Variants in NCOA2 observed in about 807,000 individuals in gnomAD.
NCOA2 encodes the protein nuclear receptor coactivator 2.
Under a neutral mutation model 145.1 loss-of-function variants are expected in NCOA2, and 21 were observed. The ratio of observed to expected loss-of-function variants is 0.14; its 90% CI spans 0.10 to 0.21. NCOA2 has a LOEUF of 0.21. NCOA2 is among the 10% of genes least tolerant of loss of function. The pLI is 1.00. For missense variants in NCOA2, 1,472 were observed against 1,837.6 expected, an observed-to-expected ratio of 0.80 and a Z score of 3.64; for synonymous variants, 619 against 637.5, an observed-to-expected ratio of 0.97 and a Z score of 0.44.
the NCOA2 span, among the ~76,000 whole-genome samples, chr8:70,444,774 T>C: frequency 6.6e-6 from 1 of 152,232 alleles, no homozygotes; most frequent in Non-Finnish European, 1.5e-5. Context: ...AGAATGCAGA[T>C]CTTTGAAAGC....
chr8:70,402,206 C>A (rs1563851091), intron 1 of NCOA2: 1 of 152,224 alleles, frequency 6.6e-6, no homozygotes, highest in Non-Finnish European at 1.5e-5. Context: ...TGGCTCACTG[C>A]CCCATCAGTC....
chr8:70,273,642 CA>C, intron 2 of NCOA2: 1 of 725,462 alleles, frequency 1.4e-6, no homozygotes. Flanking sequence ...TATACTGAGA[CA>C]AAGCAGCTGA....
chr8:70,288,266 A>AT (rs549446587), intron 2 of NCOA2, among the ~76,000 whole-genome samples: 35 of 151,954 alleles, frequency 2.3e-4, no homozygotes, highest in Middle Eastern at 3.4e-3. Context: ...AGGAAGGGTT[A>AT]TTTTTTTTCC....
rs956260674 is a variant in NCOA2 at position 70,155,587 on chromosome 8, C to T, written c.2394+384G>A. On this transcript the variant is annotated intron_variant, in intron 11 of 22. Transcript: ENST00000452400. Reference sequence around the variant, plus strand: ...AATATTTTGTGACACATGATAATTCCATGAAATTCAAATTTCAGTGTCTAT... The same window carrying T: ...AATATTTTGTGACACATGATAATTCTATGAAATTCAAATTTCAGTGTCTAT... Among the ~76,000 whole-genome samples the T allele has an allele frequency of 5.3e-5, 8 of 152,168 alleles. No homozygotes were observed. The East Asian group carries it at 1.5e-3, about 29-fold the overall frequency.
intron 2 of NCOA2, among the ~76,000 whole-genome samples, chr8:70,290,487 CTA>C (rs780747421): frequency 3.3e-5 from 5 of 152,042 alleles, no homozygotes; most frequent in African/African-American, 4.8e-5. Flanking sequence ...CGCGCCCGGC[CTA>C]TTTCCATTGA....
intron 1 of NCOA2, among the ~76,000 whole-genome samples, chr8:70,314,904 G>T (rs943152707): frequency 6.6e-6 from 1 of 152,136 alleles, no homozygotes; most frequent in Non-Finnish European, 1.5e-5. Context: ...TATCTAGCAG[G>T]AAGGCAGAAA....
At chr8:70,180,138 C>T (rs753009019) in intron 4 of NCOA2, among the ~76,000 whole-genome samples, 11 of 152,180 alleles carry the variant, frequency 7.2e-5, no homozygotes, top group Non-Finnish European at 1.0e-4. Flanking sequence ...AATGAAAATA[C>T]TAATTCTATC....
the NCOA2 span, among the ~76,000 whole-genome samples, chr8:70,418,769 A>T: frequency 6.6e-6 from 1 of 152,230 alleles, no homozygotes; most frequent in Non-Finnish European, 1.5e-5. Flanking sequence ...TCTCTTTGCA[A>T]TATTTTTCAA....
At chr8:70,324,203 AGTATATGGAGACATC>A (rs1806346781) in intron 1 of NCOA2, among the ~76,000 whole-genome samples, 1 of 152,222 alleles carries the variant, frequency 6.6e-6, no homozygotes, top group Non-Finnish European at 1.5e-5. Context: ...TAATCCCTAA[AGTATATGGAGACATC>A]TTGTCAATTT....
intron 4 of NCOA2, among the ~76,000 whole-genome samples, chr8:70,182,873 T>C (rs1383602168): frequency 6.6e-6 from 1 of 152,190 alleles, no homozygotes; most frequent in Non-Finnish European, 1.5e-5. Context: ...ATAAACAATG[T>C]AGACACTGAA....
intron 22 of NCOA2, among the ~76,000 whole-genome samples, chr8:70,115,690 C>T (rs1278510907): frequency 6.6e-6 from 1 of 152,134 alleles, no homozygotes; most frequent in Non-Finnish European, 1.5e-5. Context: ...GCAGTAAACT[C>T]AATTTTAATC....
chr8:70,240,184 C>T (rs907829622), intron 2 of NCOA2, among the ~76,000 whole-genome samples: 3 of 152,190 alleles, frequency 2.0e-5, no homozygotes, highest in African/African-American at 7.2e-5. Context: ...TTTCTTGCTT[C>T]CACCATTTAC....
At chr8:70,124,928 T>TG (rs921392993) in intron 19 of NCOA2, 63 bp from the exon 20 acceptor site, 69 of 1,429,452 alleles carry the variant, frequency 4.8e-5, no homozygotes, top group South Asian at 2.0e-4. Context: ...TAGAGACTGG[T>TG]GGGGGGGAAA....
the NCOA2 span, among the ~76,000 whole-genome samples, chr8:70,443,733 TA>T: frequency 3.3e-5 from 5 of 151,950 alleles, 1 homozygote; most frequent in South Asian, 2.1e-4. Context: ...GCCTGGCTAA[TA>T]AAAAAAACTT....
At chr8:70,341,323 G>A (rs1001025015) in intron 1 of NCOA2, among the ~76,000 whole-genome samples, 2 of 152,132 alleles carry the variant, frequency 1.3e-5, no homozygotes, top group African/African-American at 4.8e-5. Flanking sequence ...GGAGTTTGAG[G>A]TTAGGATAAG....
intron 2 of NCOA2, among the ~76,000 whole-genome samples, chr8:70,285,270 A>T (rs979044533): frequency 2.0e-5 from 3 of 152,214 alleles, no homozygotes; most frequent in Non-Finnish European, 4.4e-5. Context: ...GTAGATACCC[A>T]AGTGTTATGA....
At chr8:70,167,626 A>G (rs1813768573) in intron 6 of NCOA2, among the ~76,000 whole-genome samples, 1 of 152,180 alleles carries the variant, frequency 6.6e-6, no homozygotes. Context: ...TTTCATGTAC[A>G]TTTCTTCAAT....
At chr8:70,114,052 C>A (rs951624875) in intron 22 of NCOA2, among the ~76,000 whole-genome samples, 1 of 152,230 alleles carries the variant, frequency 6.6e-6, no homozygotes, top group Admixed American at 6.5e-5. Flanking sequence ...CTTCCTAATT[C>A]TTCCTCAAAT....
chr8:70,199,329 T>A (rs1046280078), intron 4 of NCOA2, among the ~76,000 whole-genome samples: 1 of 151,700 alleles, frequency 6.6e-6, no homozygotes, highest in Non-Finnish European at 1.5e-5. Context: ...TGGGTGCCTG[T>A]AGTCCCAGCT....
Sources: gnomAD v4.1 joint callset for allele counts (sites outside exome capture counted in the v4.1 genomes callset) on GRCh38, gnomAD v4.1.1 for gene constraint, MANE v1.5 for transcripts, NCBI Gene and HGNC (gene_info 2026-07-23, HGNC 2026-07-21) for gene names.